PLEKHA4: variants seen among roughly 807,000 people sequenced by gnomAD.
The protein encoded by PLEKHA4 is pleckstrin homology domain containing A4.
Under a neutral mutation model 94.7 loss-of-function variants are expected in PLEKHA4, and 73 were observed. The observed-to-expected ratio is 0.77, with a 90% CI of 0.64 to 0.94. The LOEUF is 0.94. Among genes scored for constraint, PLEKHA4 ranks in the 40% least tolerant of loss-of-function variants. The pLI, the probability that PLEKHA4 is intolerant of heterozygous loss-of-function variation, is 0.00. For missense variants in PLEKHA4, 1,049 were observed against 1,054.1 expected, an observed-to-expected ratio of 1.00 and a Z score of 0.07; for synonymous variants, 449 against 437.1, an observed-to-expected ratio of 1.03 and a Z score of -0.34.
chr19:48,844,282 G>A, intron 16 of PLEKHA4: 1 of 201,010 alleles, frequency 5.0e-6, no homozygotes, highest in Non-Finnish European at 8.8e-6. Flanking sequence ...AGCCTCCCAA[G>A]TAGCTGGGAT....
chr19:48,845,735 C>T, intron 14 of PLEKHA4, 119 bp from the exon 15 acceptor site: 2 of 855,126 alleles, frequency 2.3e-6, no homozygotes, highest in Non-Finnish European at 3.4e-6. Flanking sequence ...ATAAACCAGG[C>T]CGGGCGCAGT....
At position 48,867,630 on chromosome 19, in the gene PLEKHA4, G is replaced by A. The variant is rs1198984839; in HGVS notation, c.-6-4C>T. The A allele has an allele frequency of 1.3e-6, 2 of 1,585,540 alleles. No individual in the cohort carries two copies. The highest frequency in any genetic ancestry group is 1.7e-6 in the Non-Finnish European group (2 of 1,167,522). Reference sequence around the variant, plus strand: ...GTCGGCTCCCCTCCATCAAGGGCTGGGGGAGAGAAAGAAAGGGGCTGTGTC... The same window carrying A: ...GTCGGCTCCCCTCCATCAAGGGCTGAGGGAGAGAAAGAAAGGGGCTGTGTC... On this transcript the variant is annotated splice_polypyrimidine_tract_variant and splice_region_variant and intron_variant, in intron 1 of 19. Transcript: ENST00000263265. The surrounding 1 kb of genome is among the most constrained non-coding windows in gnomAD (Gnocchi z 4.7).
At chr19:48,858,837 C>T (rs2036524188) in intron 8 of PLEKHA4, 23 bp downstream of exon 8, 15 of 1,613,316 alleles carry the variant, frequency 9.3e-6, no homozygotes, top group Non-Finnish European at 1.3e-5. Flanking sequence ...ACGTAGTCCC[C>T]TCCTTCTCAC....
In PLEKHA4 at chr19:48,859,588, G is replaced by A. The variant is rs762771174; in HGVS notation, c.573C>T (p.Ile191=). 3 of 1,613,732 alleles carry A rather than the reference G, an allele frequency of 1.9e-6. No homozygotes were observed. The African/African-American group carries it at 4.0e-5, about 22-fold the overall frequency. ...PEVSRGEEGR[I]SESPEVTRLS... ...GTCGAGTCACTTCCGGTGATTCTGA[G>A]ATGCGCCCCTCTTCCCCTCTGCTCA... The change falls in exon 7 of 20, where the codon ATC becomes ATT. Residue 191 remains isoleucine, a synonymous_variant. Coordinates refer to ENST00000263265, the MANE Select transcript of PLEKHA4 (RefSeq NM_020904.3).
chr19:48,838,095 C>G lies in PLEKHA4; in HGVS notation c.1999G>C (p.Glu667Gln). The change falls in exon 19 of 20, where the codon GAA (glutamate) becomes CAA (glutamine). Residue 667 changes from glutamate (E) to glutamine (Q), a missense_variant. Transcript: ENST00000263265. ...CTGAGAACCCGCTCCCGGTGACCTT[C>G]GGAAGTCGGCAAGTAAGGGGTGGTG... ...RNTTPYLPTS[E>Q]GHRERVLSLS... 1 of 1,607,520 alleles carries G rather than the reference C, an allele frequency of 6.2e-7. No individual in the cohort carries two copies. The highest frequency in any genetic ancestry group is 2.2e-5 in the East Asian group (1 of 44,626).
intron 7 of PLEKHA4, 59 bp downstream of exon 7, chr19:48,859,410 C>A: frequency 6.3e-7 from 1 of 1,577,150 alleles, no homozygotes; most frequent in South Asian, 1.1e-5. Flanking sequence ...CGCCCCCAAC[C>A]AGTTTCCGGC....
At chr19:48,840,108 A>G (rs1352653327) in intron 17 of PLEKHA4, among the ~76,000 whole-genome samples, 1 of 151,894 alleles carries the variant, frequency 6.6e-6, no homozygotes, top group African/African-American at 2.4e-5. Flanking sequence ...ACTCTGTCTC[A>G]AAAAAAGAAA....
Position 48,837,384 on chromosome 19 carries a change from C to A in PLEKHA4, c.2245G>T (p.Gly749Trp), listed in dbSNP as rs781141689. Residue 749 changes from glycine (G) to tryptophan (W), a missense_variant, in exon 20 of 20, where the codon GGG (glycine) becomes TGG (tryptophan). Physicochemically the swap from Gly to Trp is radical, Grantham distance 184 (BLOSUM62 -2). Transcript: ENST00000263265. The surrounding 1 kb of genome is among the most constrained non-coding windows in gnomAD (Gnocchi z 4.3). ...SGRGGGPTPW[G>W]PAWDAGIAPP... is the part of the protein sequence containing the mutation. ...GCGATCCCGGCATCCCACGCGGGCCCCCAGGGGGTGGGACCTCCTCCACGC... is the reference window on the plus strand; with the variant it reads ...GCGATCCCGGCATCCCACGCGGGCCACCAGGGGGTGGGACCTCCTCCACGC... 19 of 1,613,642 alleles carry A rather than the reference C, an allele frequency of 1.2e-5. No individual in the cohort carries two copies. The highest frequency in any genetic ancestry group is 1.5e-5 in the Non-Finnish European group (18 of 1,180,006).
chr19:48,858,928 G>A lies in PLEKHA4; in HGVS notation c.904C>T (p.Pro302Ser). The change falls in exon 8 of 20, where the codon CCC (proline) becomes TCC (serine). Residue 302 changes from proline (P) to serine (S), a missense_variant. By Grantham distance (74) the Pro-to-Ser change is moderately conservative (BLOSUM62 -1). Transcript: ENST00000263265. Reference sequence around the variant, plus strand: ...GGCTTTCCTCCCCCAGCCTCAGAGGGAGGTCCTCGGCGGGGAGTAGGGGGT... The same window carrying A: ...GGCTTTCCTCCCCCAGCCTCAGAGGAAGGTCCTCGGCGGGGAGTAGGGGGT... ...SRPPTPRRGP[P>S]SEAGGGKPPR... is the part of the protein sequence containing the mutation. The A allele has an allele frequency of 6.2e-7, 1 of 1,603,210 alleles. No individual in the cohort carries two copies.
chr19:48,853,285 C>T (rs2036273060), intron 12 of PLEKHA4, among the ~76,000 whole-genome samples: 2 of 151,824 alleles, frequency 1.3e-5, no homozygotes, highest in African/African-American at 4.8e-5. Context: ...AATCCCAGCA[C>T]TTTGGGAGGC....
At chr19:48,859,920 T>C in intron 6 of PLEKHA4, 1 of 590,074 alleles carries the variant, frequency 1.7e-6, no homozygotes, top group Non-Finnish European at 3.0e-6. Context: ...TGGGATAGAC[T>C]CAGCCAGGTA....
At chr19:48,863,432 GTT>G (rs113645066) in intron 3 of PLEKHA4, among the ~76,000 whole-genome samples, 16 of 104,716 alleles carry the variant, frequency 1.5e-4, no homozygotes, top group Admixed American at 3.0e-4. Flanking sequence ...TAGGTTTTTT[GTT>G]TTTTTTTTTT....
At chr19:48,857,843 C>A (rs2036485164) in intron 8 of PLEKHA4, among the ~76,000 whole-genome samples, 2 of 151,032 alleles carry the variant, frequency 1.3e-5, no homozygotes, top group Non-Finnish European at 2.9e-5. Flanking sequence ...ATCTGCTGAC[C>A]TTCCCTCCAC....
At position 48,861,389 on chromosome 19, in the gene PLEKHA4, G is replaced by A. The variant is rs2036632682; in HGVS notation, c.366+12C>T. 6.2e-7 allele frequency: 1 copy of A among 1,607,934 alleles called. No individual in the cohort carries two copies. On this transcript the variant is annotated intron_variant, in intron 5 of 19. Transcript: ENST00000263265. ...CCATCGCCTGGTGCACAACATGGAT[G>A]GATGGACTCACGGTGAAGGTGAAGC... is the stretch of plus-strand genomic sequence containing the variant.
chr19:48,855,973 G>C (rs141323496), intron 9 of PLEKHA4, among the ~76,000 whole-genome samples: 2,195 of 150,912 alleles, frequency 0.015, 20 homozygotes, highest in Non-Finnish European at 0.021. Flanking sequence ...GGGAGTTCAA[G>C]ACCAGCCTGA....
chr19:48,837,486 G>C lies in PLEKHA4; in HGVS notation c.2143C>G (p.Arg715Gly), dbSNP rs202032381. Reference protein sequence around the residue: ...GVPLPPSDPTRQETPPPRSPP... With the variant: ...GVPLPPSDPTGQETPPPRSPP... ...GATCTGGGGGGAGGGGTCTCCTGGC[G>C]CGTGGGGTCCGAAGGAGGCAGCGGC... is the stretch of plus-strand genomic sequence containing the variant. The change falls in exon 20 of 20, where the codon CGC becomes GGC. Residue 715 changes from arginine to glycine, a missense_variant. Coordinates refer to ENST00000263265, the MANE Select transcript of PLEKHA4 (RefSeq NM_020904.3). This position sits in a 1 kb window ranked among gnomAD's most constrained non-coding sequence, Gnocchi z 4.3. 6.2e-7 allele frequency: 1 copy of C among 1,612,976 alleles called. No individual in the cohort carries two copies. The highest frequency in any genetic ancestry group is 2.2e-5 in the East Asian group (1 of 44,872).
chr19:48,841,461 T>G, intron 16 of PLEKHA4, 151 bp from the exon 17 acceptor site: 4 of 780,264 alleles, frequency 5.1e-6, no homozygotes, highest in Non-Finnish European at 7.7e-6. Context: ...ATACCATCTC[T>G]ACTAAAAATA....
intron 13 of PLEKHA4, 68 bp downstream of exon 13, chr19:48,852,160 G>T (rs897677702): frequency 3.1e-5 from 39 of 1,255,730 alleles, no homozygotes; most frequent in Non-Finnish European, 4.3e-5. Context: ...AAGATTAAAT[G>T]CTAAAAGGAT....
At chr19:48,866,708 C>G (rs1599942048) in intron 2 of PLEKHA4, among the ~76,000 whole-genome samples, 1 of 152,144 alleles carries the variant, frequency 6.6e-6, no homozygotes, top group Admixed American at 6.6e-5. Flanking sequence ...GAAGCAGATG[C>G]CCTTGGCCAC....
Sources: gnomAD v4.1 joint callset for allele counts (sites outside exome capture counted in the v4.1 genomes callset) on GRCh38, gnomAD v4.1.1 for gene constraint, Gnocchi (gnomAD v3.1) non-coding constraint, MANE v1.5 for transcripts, NCBI Gene and HGNC (gene_info 2026-07-23, HGNC 2026-07-21) for gene names.